Variants in CNRIP1 observed in about 807,000 individuals in gnomAD.
CNRIP1 encodes cannabinoid receptor interacting protein 1, also known as CB1 cannabinoid receptor-interacting protein 1.
CNRIP1 carries 10 observed loss-of-function variants against 15.2 expected under a neutral mutation model. That is an observed-to-expected ratio of 0.66 (90% confidence interval 0.41 to 1.12). CNRIP1 has a LOEUF of 1.12. Among genes scored for constraint, CNRIP1 ranks in the 50% most tolerant of loss-of-function variants. The pLI is 0.00. For synonymous variants in CNRIP1, 91 were observed against 83.2 expected, an observed-to-expected ratio of 1.09 and a Z score of -0.51; for missense variants, 211 against 214.7, an observed-to-expected ratio of 0.98 and a Z score of 0.11.
At chr2:68,292,778 G>A (rs1671209942), downstream of CNRIP1, among the ~76,000 whole-genome samples, 1 of 152,118 alleles carries the variant, frequency 6.6e-6, no homozygotes, top group African/African-American at 2.4e-5. Flanking sequence ...AGCGAGATAG[G>A]TACAAGCATT....
intron 2 of CNRIP1, among the ~76,000 whole-genome samples, chr2:68,313,222 G>T (rs1408398293): frequency 1.3e-5 from 2 of 152,104 alleles, no homozygotes; most frequent in Admixed American, 1.3e-4. Context: ...AAAGCAACTA[G>T]AATTCTCATA....
intron 2 of CNRIP1, among the ~76,000 whole-genome samples, chr2:68,304,719 C>T (rs1573023563): frequency 6.6e-6 from 1 of 151,860 alleles, no homozygotes; most frequent in East Asian, 2.0e-4. Context: ...CTCCAAGGTT[C>T]ATGCCATTCT....
At chr2:68,284,846 G>A (rs1360071989) in intron 2 of CNRIP1, among the ~76,000 whole-genome samples, 4 of 151,394 alleles carry the variant, frequency 2.6e-5, no homozygotes, top group East Asian at 3.9e-4. Flanking sequence ...AAACCACAGC[G>A]AAGCGAATTC....
At chr2:68,315,057 A>T (rs1672219866) in intron 2 of CNRIP1, among the ~76,000 whole-genome samples, 2 of 152,056 alleles carry the variant, frequency 1.3e-5, no homozygotes, top group African/African-American at 4.8e-5. Context: ...TGACTACAAA[A>T]TTTATATTTT....
intron 2 of CNRIP1, among the ~76,000 whole-genome samples, chr2:68,300,070 A>G (rs1170780666): frequency 1.3e-5 from 2 of 152,218 alleles, no homozygotes; most frequent in Non-Finnish European, 2.9e-5. Context: ...AAGCCTTTCT[A>G]TTCCTGAATT....
intron 2 of CNRIP1, among the ~76,000 whole-genome samples, chr2:68,296,601 G>A (rs1335233158): frequency 8.1e-6 from 1 of 123,028 alleles, no homozygotes; most frequent in African/African-American, 4.0e-5. Context: ...TAGAAATCCT[G>A]ATGGACTGTT....
intron 2 of CNRIP1, among the ~76,000 whole-genome samples, chr2:68,285,435 G>A (rs893541397): frequency 6.6e-6 from 1 of 152,126 alleles, no homozygotes; most frequent in African/African-American, 2.4e-5. Context: ...ATGTGGATTA[G>A]GCTTTTGATC....
intron 2 of CNRIP1, among the ~76,000 whole-genome samples, chr2:68,306,007 C>G (rs917605875): frequency 2.0e-5 from 3 of 149,830 alleles, no homozygotes; most frequent in Admixed American, 6.7e-5. Context: ...GTGCGTGCCT[C>G]TGGTCCCAGC....
chr2:68,293,330 T>C lies in CNRIP1; in HGVS notation c.*532A>G. On this transcript the variant is annotated 3_prime_UTR_variant, in exon 3 of 3. Coordinates refer to ENST00000263655, the MANE Select transcript of CNRIP1 (RefSeq NM_015463.3). ...TTCCCTGAAAGAGCGGAGCTGTTTA[T>C]AGGAAGCACAACATTTGAGTCCCAT... The C allele has an allele frequency of 1.0e-6, 1 of 986,386 alleles. No individual in the cohort carries two copies. Among genetic ancestry groups the C allele is most frequent in the Non-Finnish European group, 1.2e-6 (1 of 830,522 alleles). 61.1% of individuals were successfully genotyped at this position (986,386 alleles called of 1,614,324 possible).
chr2:68,310,974 A>G (rs1440703748), intron 2 of CNRIP1, among the ~76,000 whole-genome samples: 1 of 152,226 alleles, frequency 6.6e-6, no homozygotes, highest in African/African-American at 2.4e-5. Flanking sequence ...AGGATACATC[A>G]GTAGAAATGA....
chr2:68,291,390 C>G (rs550854734), downstream of CNRIP1, among the ~76,000 whole-genome samples: 2 of 151,918 alleles, frequency 1.3e-5, no homozygotes, highest in Admixed American at 1.3e-4. Context: ...TAGAGATAAG[C>G]AAACTGAGGC....
chr2:68,294,101 T>C (rs1303593638), intron 2 of CNRIP1, 75 bp from the exon 3 acceptor site: 14 of 1,454,262 alleles, frequency 9.6e-6, no homozygotes, highest in Admixed American at 1.8e-5. Flanking sequence ...ACATTAGTGA[T>C]GTAGCTCCTG....
chr2:68,299,023 A>T (rs1281514706), intron 2 of CNRIP1, among the ~76,000 whole-genome samples: 3 of 152,308 alleles, frequency 2.0e-5, no homozygotes, highest in South Asian at 4.1e-4. Context: ...TTTCACATAC[A>T]TCATTCCACT....
chr2:68,286,237 A>C (rs1358518984), intron 2 of CNRIP1, among the ~76,000 whole-genome samples: 2 of 152,080 alleles, frequency 1.3e-5, no homozygotes, highest in African/African-American at 4.8e-5. Flanking sequence ...GAAAATTCTG[A>C]AAATAGACTC....
chr2:68,309,404 G>T (rs1445739209), intron 2 of CNRIP1, among the ~76,000 whole-genome samples: 1 of 152,108 alleles, frequency 6.6e-6, no homozygotes, highest in Non-Finnish European at 1.5e-5. Context: ...ACTTTTATGG[G>T]AAATTTCTGT....
downstream of CNRIP1, among the ~76,000 whole-genome samples, chr2:68,288,634 T>C (rs539956495): frequency 6.6e-6 from 1 of 152,344 alleles, no homozygotes; most frequent in African/African-American, 2.4e-5. Flanking sequence ...TATATGCAAG[T>C]AATTTGCTAT....
chr2:68,308,842 A>G (rs1194001166), intron 2 of CNRIP1, among the ~76,000 whole-genome samples: 1 of 152,108 alleles, frequency 6.6e-6, no homozygotes, highest in Non-Finnish European at 1.5e-5. Context: ...TAGATGAACA[A>G]GAGAGATGCC....
At chr2:68,318,602 C>G (rs974616438) in intron 1 of CNRIP1, among the ~76,000 whole-genome samples, 1 of 152,196 alleles carries the variant, frequency 6.6e-6, no homozygotes, top group Non-Finnish European at 1.5e-5. Context: ...AGAAAAAGAA[C>G]AGCATACGGC....
At chr2:68,285,649 C>T (rs368262232) in intron 2 of CNRIP1, among the ~76,000 whole-genome samples, 8 of 95,146 alleles carry the variant, frequency 8.4e-5, no homozygotes, top group African/African-American at 3.4e-4. Flanking sequence ...AGAGCAAGAC[C>T]CTGTCTCAAA....
Sources: gnomAD v4.1 joint callset for allele counts (sites outside exome capture counted in the v4.1 genomes callset) on GRCh38, gnomAD v4.1.1 for gene constraint, MANE v1.5 for transcripts, NCBI Gene and HGNC (gene_info 2026-07-23, HGNC 2026-07-21) for gene names.